CDK14: variants seen among roughly 807,000 people sequenced by gnomAD.
CDK14 encodes cyclin-dependent kinase 14.
Under a neutral mutation model 60.7 loss-of-function variants are expected in CDK14, and 34 were observed. The ratio of observed to expected loss-of-function variants is 0.56; its 90% CI spans 0.43 to 0.75. CDK14 has a LOEUF of 0.75. CDK14 is among the 30% of genes least tolerant of loss of function. CDK14 has a pLI of 0.00. For missense variants in CDK14, 482 were observed against 564.1 expected (o/e 0.85, Z 1.47); for synonymous variants, 197 against 203.7 (o/e 0.97, Z 0.28).
At chr7:90,908,692 C>T (rs900264753) in intron 7 of CDK14, among the ~76,000 whole-genome samples, 2 of 152,138 alleles carry the variant, frequency 1.3e-5, no homozygotes, top group South Asian at 2.1e-4. Context: ...TGGATAGGCA[C>T]AGCATTCCTG....
intron 5 of CDK14, among the ~76,000 whole-genome samples, chr7:90,806,343 G>A (rs957875443): frequency 4.6e-5 from 7 of 151,990 alleles, no homozygotes; most frequent in Non-Finnish European, 5.9e-5. Context: ...CAAATTGGTA[G>A]AAAATATTTC....
At chr7:91,023,019 T>TC (rs1225801328) in intron 10 of CDK14, among the ~76,000 whole-genome samples, 1 of 151,958 alleles carries the variant, frequency 6.6e-6, no homozygotes, top group Non-Finnish European at 1.5e-5. Flanking sequence ...TATATATTTT[T>TC]TTTTTTTCGT....
Position 90,665,889 on chromosome 7 carries a change from C to T in CDK14, c.124-60678C>T, listed in dbSNP as rs143714697. Among the ~76,000 whole-genome samples the T allele has an allele frequency of 5.9e-3, 904 of 152,246 alleles. 3 individuals are homozygous for T. The highest frequency in any genetic ancestry group is 9.9e-3 in the Non-Finnish European group (673 of 68,020). On this transcript the variant is annotated intron_variant, in intron 2 of 14. Transcript: ENST00000380050. ...TCTGATATAGACACAGGACTTATCT[C>T]GATAAAATCATCATGCTTCAGGATG...
intron 7 of CDK14, among the ~76,000 whole-genome samples, chr7:90,916,118 T>C (rs1451956232): frequency 6.6e-6 from 1 of 152,196 alleles, no homozygotes; most frequent in African/African-American, 2.4e-5. Context: ...TTTCCCTCTT[T>C]CCTTCTAAAC....
chr7:90,913,923 C>G (rs559610277), intron 7 of CDK14, among the ~76,000 whole-genome samples: 1 of 152,120 alleles, frequency 6.6e-6, no homozygotes, highest in East Asian at 1.9e-4. Flanking sequence ...TCAAAGAGAC[C>G]TTCAAGCTTC....
At chr7:91,125,236 A>G (rs191980552) in intron 14 of CDK14, among the ~76,000 whole-genome samples, 2 of 152,244 alleles carry the variant, frequency 1.3e-5, no homozygotes, top group East Asian at 3.9e-4. Flanking sequence ...GGGGAGTGGG[A>G]TCAGGGAGGG....
intron 2 of CDK14, among the ~76,000 whole-genome samples, chr7:90,617,059 A>G (rs896607309): frequency 3.3e-5 from 5 of 152,156 alleles, no homozygotes; most frequent in Admixed American, 6.5e-5. Flanking sequence ...CTATTAAGAA[A>G]AGTAATTATG....
chr7:91,050,904 G>A (rs563580635), intron 11 of CDK14, among the ~76,000 whole-genome samples: 16 of 152,160 alleles, frequency 1.1e-4, no homozygotes, highest in Non-Finnish European at 2.1e-4. Context: ...TAGATCCCAT[G>A]TCTCCGTGGG....
intron 2 of CDK14, among the ~76,000 whole-genome samples, chr7:90,718,852 A>G (rs1291214476): frequency 6.6e-6 from 1 of 152,156 alleles, no homozygotes; most frequent in Non-Finnish European, 1.5e-5. Flanking sequence ...TTATGATTCT[A>G]GTGGCAATGA....
chr7:90,636,920 A>T (rs138189855), intron 2 of CDK14, among the ~76,000 whole-genome samples: 1 of 149,256 alleles, frequency 6.7e-6, no homozygotes, highest in Admixed American at 6.7e-5. Flanking sequence ...GTTTATTTGC[A>T]TAGAGGTGTT....
At chr7:90,769,908 G>A (rs747351242) in intron 4 of CDK14, among the ~76,000 whole-genome samples, 1 of 152,206 alleles carries the variant, frequency 6.6e-6, no homozygotes, top group Non-Finnish European at 1.5e-5. Context: ...GTTTATTGAA[G>A]CCAACTTGTG....
intron 10 of CDK14, among the ~76,000 whole-genome samples, chr7:90,997,305 T>A (rs1795714621): frequency 6.6e-6 from 1 of 152,208 alleles, no homozygotes; most frequent in Non-Finnish European, 1.5e-5. Context: ...AGATATTGAC[T>A]TGTGATGACA....
intron 4 of CDK14, among the ~76,000 whole-genome samples, chr7:90,782,229 G>A: frequency 6.6e-6 from 1 of 152,018 alleles, no homozygotes; most frequent in East Asian, 1.9e-4. Context: ...GTCTATTATT[G>A]GTGTATAAGA....
intron 2 of CDK14, chr7:90,692,617 C>T (rs1397646113): frequency 4.6e-6 from 4 of 877,152 alleles, no homozygotes; most frequent in Non-Finnish European, 5.5e-6. Context: ...TGCATGAGGG[C>T]TCTGCCTGGT....
intron 9 of CDK14, among the ~76,000 whole-genome samples, chr7:90,971,568 A>G (rs1173470278): frequency 6.6e-6 from 1 of 151,856 alleles, no homozygotes; most frequent in Non-Finnish European, 1.5e-5. Context: ...GGTAAGGAGG[A>G]AGAGAGAAAG....
intron 8 of CDK14, among the ~76,000 whole-genome samples, chr7:90,929,724 T>C (rs1006875785): frequency 1.3e-5 from 2 of 152,254 alleles, no homozygotes; most frequent in Non-Finnish European, 2.9e-5. Flanking sequence ...TGGTGTACTT[T>C]TATTCCTCAT....
In CDK14 at chr7:90,809,328, C is replaced by T. The variant is rs748503190; in HGVS notation, c.544+18676C>T. ...CAGGATTCAGAAACTCACTCAAAAC[C>T]GCTCAACTACATGGAAACTGAACAA... On this transcript the variant is annotated intron_variant, in intron 5 of 14. Transcript: ENST00000380050. 2.6e-4 allele frequency among the ~76,000 whole-genome samples: 40 copies of T among 152,184 alleles called. 1 individual carries two copies. Among genetic ancestry groups the T allele is most frequent in the African/African-American group, 7.2e-4 (30 of 41,520 alleles).
rs1006577799 is a variant in CDK14, at chr7:90,769,648, G to T, written c.465-20925G>T. On this transcript the variant is annotated intron_variant, in intron 4 of 14. Coordinates refer to ENST00000380050, the MANE Select transcript of CDK14 (RefSeq NM_001287135.2). The stretch of plus-strand genomic sequence containing the variant: ...CACCTAGCTAATTTTTGTATTTTTA[G>T]TAGAGACGGGGTTTTGCTATGTTGG... 5.3e-5 allele frequency among the ~76,000 whole-genome samples: 8 copies of T among 152,156 alleles called. No individual in the cohort carries two copies. In the East Asian group the frequency reaches 1.4e-3, roughly 26 times the overall value.
At chr7:91,058,699 A>G (rs555916211) in intron 11 of CDK14, among the ~76,000 whole-genome samples, 1 of 152,156 alleles carries the variant, frequency 6.6e-6, no homozygotes, top group Non-Finnish European at 1.5e-5. Flanking sequence ...TATATGCTGG[A>G]TTACATTTAT....
Sources: allele counts gnomAD v4.1 joint callset (sites outside exome capture counted in the v4.1 genomes callset), GRCh38; gene constraint gnomAD v4.1.1; transcripts MANE v1.5; gene names NCBI Gene and HGNC (gene_info 2026-07-23, HGNC 2026-07-21).